The following PCDHGC5 variants were observed in gnomAD, a reference collection of about 807,000 sequenced individuals.
The protein encoded by PCDHGC5 is protocadherin gamma-C5.
In PCDHGC5, 25 loss-of-function variants were observed where a neutral mutation model predicts 59.0. That is an observed-to-expected ratio of 0.42 (90% CI 0.31 to 0.59). The LOEUF is 0.59. Ranked by LOEUF, PCDHGC5 falls within the 20% of genes least tolerant of loss-of-function variation. PCDHGC5 has a pLI of 0.13. For missense variants in PCDHGC5, 1,067 were observed against 1,206.4 expected (o/e 0.88, Z 1.71); for synonymous variants, 434 against 505.5 (o/e 0.86, Z 1.90).
In PCDHGC5 at chr5:141,491,652, G is replaced by A. The variant is rs370043428; in HGVS notation, c.2412G>A (p.Glu804=). ...AGCAGCCCACAGCTCTGGCGCTGGAGCCTGACGCCATCCGGTCCCGCTCTA... is the reference window on the plus strand; with the variant it reads ...AGCAGCCCACAGCTCTGGCGCTGGAACCTGACGCCATCCGGTCCCGCTCTA... The part of the protein sequence containing the change: ...SVQQPTALAL[E]PDAIRSRSNT... Residue 804 remains glutamate, a synonymous_variant, in exon 1 of 4, where the codon GAG becomes GAA. Transcript: ENST00000252087. This position sits in a 1 kb window ranked among gnomAD's most constrained non-coding sequence, Gnocchi z 6.9. 2 of 1,613,726 alleles carry A rather than the reference G, an allele frequency of 1.2e-6. No homozygotes were observed. Among genetic ancestry groups the A allele is most frequent in the African/African-American group, 1.3e-5 (1 of 74,944 alleles).
intron 2 of PCDHGC5, among the ~76,000 whole-genome samples, chr5:141,502,783 G>A (rs2099816035): frequency 6.6e-6 from 1 of 151,652 alleles, no homozygotes; most frequent in African/African-American, 2.4e-5. Context: ...AAAATTACCT[G>A]GATGATTTCT....
intron 2 of PCDHGC5, among the ~76,000 whole-genome samples, chr5:141,498,338 G>T (rs2237079): frequency 2.6e-5 from 4 of 151,600 alleles, no homozygotes; most frequent in Non-Finnish European, 5.9e-5. Flanking sequence ...CATTCCAAAT[G>T]GGAAAAGCCT....
chr5:141,498,078 G>A (rs1165770641), intron 2 of PCDHGC5, among the ~76,000 whole-genome samples: 6 of 152,194 alleles, frequency 3.9e-5, no homozygotes, highest in African/African-American at 1.4e-4. Flanking sequence ...ATAAGTGCTA[G>A]GTAGAATTGT....
intron 3 of PCDHGC5, among the ~76,000 whole-genome samples, chr5:141,510,244 G>A (rs549784078): frequency 6.6e-6 from 1 of 151,116 alleles, no homozygotes; most frequent in African/African-American, 2.4e-5. Flanking sequence ...CTGCACTCCA[G>A]GCTGGGCGAC....
chr5:141,490,869 A>G lies in PCDHGC5; in HGVS notation c.1629A>G (p.Pro543=), dbSNP rs764138126. ...GGGTTCGAGACTCCGGCTCTCCCCCATTGCATGCCAACACATCTCTGCATG... is the reference window on the plus strand; with the variant it reads ...GGGTTCGAGACTCCGGCTCTCCCCCGTTGCATGCCAACACATCTCTGCATG... ...VVGVRDSGSP[P]LHANTSLHVF... Residue 543 remains proline, a synonymous_variant, in exon 1 of 4, where the codon CCA becomes CCG. Transcript: ENST00000252087. This position sits in a 1 kb window ranked among gnomAD's most constrained non-coding sequence, Gnocchi z 5.4. 4.3e-6 allele frequency: 7 copies of G among 1,613,784 alleles called. No homozygotes were observed. The highest frequency in any genetic ancestry group is 1.7e-5 in the Admixed American group (1 of 60,004).
In PCDHGC5 at chr5:141,512,249, T is replaced by A. The variant is rs1159090773; in HGVS notation, c.*1076T>A. 6.6e-6 allele frequency: 1 copy of A among 152,598 alleles called. No individual in the cohort carries two copies. The allele number at this position is 152,598 out of a possible 1,614,324, so 9.5% of individuals were successfully genotyped here. On this transcript the variant is annotated 3_prime_UTR_variant, in exon 4 of 4. Coordinates refer to ENST00000252087, the MANE Select transcript of PCDHGC5 (RefSeq NM_018929.3). Reference sequence around the variant, plus strand: ...CCTTGAGAGGTCAGAGGGGCCTCTGTGGGTGCTGGGTACTCCAGAGGTGCC... The same window carrying A: ...CCTTGAGAGGTCAGAGGGGCCTCTGAGGGTGCTGGGTACTCCAGAGGTGCC...
intron 2 of PCDHGC5, among the ~76,000 whole-genome samples, chr5:141,504,178 A>C (rs572543892): frequency 4.5e-4 from 69 of 152,366 alleles, no homozygotes; most frequent in Non-Finnish European, 7.6e-4. Context: ...AAATTCAAAA[A>C]AATCATGAAA....
rs774630488 is a variant in PCDHGC5 at position 141,490,640 on chromosome 5, G to A, written c.1400G>A (p.Arg467Gln). The change falls in exon 1 of 4, where the codon CGG becomes CAG. Residue 467 changes from arginine to glutamine, a missense_variant. Transcript: ENST00000252087. The surrounding 1 kb of genome is among the most constrained non-coding windows in gnomAD (Gnocchi z 5.4). Reference sequence around the variant, plus strand: ...TACACTGCTTACATCCTAGAAAACCGGCCTCCGGGCTCCCTTCTTTGCACT... The same window carrying A: ...TACACTGCTTACATCCTAGAAAACCAGCCTCCGGGCTCCCTTCTTTGCACT... ...QLYTAYILENRPPGSLLCTVA... is the reference protein window; with the variant it reads ...QLYTAYILENQPPGSLLCTVA... 2.6e-5 allele frequency: 42 copies of A among 1,614,004 alleles called. No individual in the cohort carries two copies. The highest frequency in any genetic ancestry group is 1.6e-4 in the Middle Eastern group (1 of 6,084).
Position 141,491,329 on chromosome 5 carries a change from G to A in PCDHGC5, c.2089G>A (p.Ala697Thr). The A allele has an allele frequency of 6.2e-7, 1 of 1,614,142 alleles. No individual in the cohort carries two copies. Among genetic ancestry groups the A allele is most frequent in the Non-Finnish European group, 8.5e-7 (1 of 1,180,022 alleles). Residue 697 changes from alanine to threonine, a missense_variant, in exon 1 of 4, where the codon GCT becomes ACT. Coordinates refer to ENST00000252087, the MANE Select transcript of PCDHGC5 (RefSeq NM_018929.3). The surrounding 1 kb of genome is among the most constrained non-coding windows in gnomAD (Gnocchi z 6.9). Reference protein sequence around the residue: ...RSDLTLYLIVALATVSLLSLV... With the variant: ...RSDLTLYLIVTLATVSLLSLV... ...AGACCTTACCCTTTACCTCATTGTG[G>A]CTCTAGCGACCGTCAGTCTCTTATC...
intron 2 of PCDHGC5, among the ~76,000 whole-genome samples, chr5:141,504,870 AG>A (rs1453764331): frequency 6.6e-6 from 1 of 151,996 alleles, no homozygotes; most frequent in Non-Finnish European, 1.5e-5. Context: ...CCACCTTCAC[AG>A]TCCTCTGGAG....
chr5:141,500,571 C>T (rs1171231755), intron 2 of PCDHGC5, among the ~76,000 whole-genome samples: 1 of 152,196 alleles, frequency 6.6e-6, no homozygotes, highest in African/African-American at 2.4e-5. Context: ...GTCACACTTT[C>T]ATGTGACACT....
At chr5:141,494,736 T>C in intron 1 of PCDHGC5, 71 bp from the exon 2 acceptor site, 1 of 1,611,858 alleles carries the variant, frequency 6.2e-7, no homozygotes, top group Non-Finnish European at 8.5e-7. Context: ...TCCCGGCCCA[T>C]CCCTAGGGGC....
In PCDHGC5 at chr5:141,504,261, A is replaced by AT. The variant is rs144925096; in HGVS notation, c.2520-1125dup. Among the ~76,000 whole-genome samples the AT allele has an allele frequency of 3.8e-3, 573 of 152,258 alleles. 3 individuals are homozygous for AT. The highest frequency in any genetic ancestry group is 0.012 in the African/African-American group (514 of 41,556). ...CAGAGAGTTCTTCTTATGGTTTAGT[A>AT]TTTTTTTAAATTATGAATCATTTCA... On this transcript the variant is annotated intron_variant, in intron 2 of 3. Transcript: ENST00000252087.
Position 141,491,262 on chromosome 5 carries a change from G to A in PCDHGC5, c.2022G>A (p.Met674Ile). Reference protein sequence around the residue: ...LVLEDEDPEEMPKSSDFLIHP... With the variant: ...LVLEDEDPEEIPKSSDFLIHP... ...TGGAGGATGAGGACCCTGAGGAAATGCCCAAATCCAGTGACTTCCTCATAC... is the reference window on the plus strand; with the variant it reads ...TGGAGGATGAGGACCCTGAGGAAATACCCAAATCCAGTGACTTCCTCATAC... Residue 674 changes from methionine (M) to isoleucine (I), a missense_variant, in exon 1 of 4, where the codon ATG becomes ATA. Transcript: ENST00000252087. The surrounding 1 kb of genome is among the most constrained non-coding windows in gnomAD (Gnocchi z 6.9). 2 of 1,614,122 alleles carry A rather than the reference G, an allele frequency of 1.2e-6. No individual in the cohort carries two copies. Among genetic ancestry groups the A allele is most frequent in the Non-Finnish European group, 1.7e-6 (2 of 1,179,952 alleles).
intron 1 of PCDHGC5, 157 bp from the exon 2 acceptor site, chr5:141,494,645 GTGTAT>G: frequency 1.1e-6 from 1 of 935,948 alleles, no homozygotes; most frequent in Non-Finnish European, 1.3e-6. Context: ...GAGACCTGAG[GTGTAT>G]TTTGTCTTTG....
intron 3 of PCDHGC5, among the ~76,000 whole-genome samples, chr5:141,509,686 G>A (rs1350812680): frequency 6.6e-6 from 1 of 152,212 alleles, no homozygotes; most frequent in Non-Finnish European, 1.5e-5. Flanking sequence ...CTTCTGTACA[G>A]TGGGACGTTG....
Position 141,510,985 on chromosome 5 carries a change from G to A in PCDHGC5, c.2647G>A (p.Gly883Ser), listed in dbSNP as rs1278517639. Residue 883 changes from glycine to serine, a missense_variant, in exon 4 of 4, where the codon GGC becomes AGC. Transcript: ENST00000252087. ...DGSSTLGGGA[G>S]TMGLSARYGP... ...GAGCTCCACCCTGGGAGGGGGTGCCGGCACCATGGGATTGAGCGCCCGCTA... is the reference window on the plus strand; with the variant it reads ...GAGCTCCACCCTGGGAGGGGGTGCCAGCACCATGGGATTGAGCGCCCGCTA... 19 of 1,614,090 alleles carry A rather than the reference G, an allele frequency of 1.2e-5. No individual in the cohort carries two copies. The highest frequency in any genetic ancestry group is 2.2e-5 in the East Asian group (1 of 44,880).
At chr5:141,502,710 C>T (rs2099815750) in intron 2 of PCDHGC5, among the ~76,000 whole-genome samples, 1 of 152,168 alleles carries the variant, frequency 6.6e-6, no homozygotes, top group South Asian at 2.1e-4. Context: ...GTTTTTACAT[C>T]AGTGATTACA....
chr5:141,501,288 TATACACAC>T (rs1482707793), intron 2 of PCDHGC5, among the ~76,000 whole-genome samples: 1 of 81,228 alleles, frequency 1.2e-5, no homozygotes, highest in African/African-American at 4.9e-5. Flanking sequence ...GATATTCCCT[TATACACAC>T]ACACACACAC....
Sources: allele counts gnomAD v4.1 joint callset (sites outside exome capture counted in the v4.1 genomes callset), GRCh38; gene constraint gnomAD v4.1.1; non-coding constraint Gnocchi (gnomAD v3.1); transcripts MANE v1.5; gene names NCBI Gene and HGNC (gene_info 2026-07-23, HGNC 2026-07-21).